Variants in KCNH7 observed in about 807,000 individuals in gnomAD.
KCNH7 encodes the protein voltage-gated inwardly rectifying potassium channel KCNH7.
A neutral mutation model predicts 120.8 loss-of-function variants in KCNH7; 49 were observed. The ratio of observed to expected loss-of-function variants is 0.41; its 90% CI spans 0.32 to 0.51. The LOEUF (loss-of-function observed/expected upper bound fraction) is 0.51. Among genes scored for constraint, KCNH7 ranks in the 20% least tolerant of loss-of-function variants. The pLI, the probability that KCNH7 is intolerant of heterozygous loss-of-function variation, is 0.38. For missense variants in KCNH7, 1,097 were observed against 1,446.6 expected, an observed-to-expected ratio of 0.76 and a Z score of 3.92; for synonymous variants, 547 against 516.1, an observed-to-expected ratio of 1.06 and a Z score of -0.81.
At chr2:162,795,129 C>T (rs1684093810) in intron 2 of KCNH7, among the ~76,000 whole-genome samples, 1 of 151,984 alleles carries the variant, frequency 6.6e-6, no homozygotes, top group Non-Finnish European at 1.5e-5. Flanking sequence ...CAAGCAGACT[C>T]ATTAATTAAT....
chr2:162,811,297 GA>G (rs1489608845), intron 2 of KCNH7, among the ~76,000 whole-genome samples: 1 of 152,152 alleles, frequency 6.6e-6, no homozygotes, highest in Non-Finnish European at 1.5e-5. Flanking sequence ...GATGACTGGA[GA>G]AAGGATTGTA....
At chr2:162,786,191 C>A (rs981333291) in intron 2 of KCNH7, among the ~76,000 whole-genome samples, 1 of 147,530 alleles carries the variant, frequency 6.8e-6, no homozygotes, top group South Asian at 2.1e-4. Context: ...TGCAGTGAGC[C>A]GAGATCACAC....
At chr2:162,765,127 C>T (rs1464535131) in intron 2 of KCNH7, among the ~76,000 whole-genome samples, 1 of 152,046 alleles carries the variant, frequency 6.6e-6, no homozygotes, top group Non-Finnish European at 1.5e-5. Flanking sequence ...CTGCTACTAA[C>T]ACCAACATTC....
rs145497405 is a variant in KCNH7 at position 162,773,283 on chromosome 2, T to C, written c.307+63254A>G. On this transcript the variant is annotated intron_variant, in intron 2 of 15. Coordinates refer to ENST00000332142, the MANE Select transcript of KCNH7 (RefSeq NM_033272.4). ...CAGGCTGATAACTTGAGGCCAAGAG[T>C]TCGAGACCAGCCTGGCCAATATGGT... Among the ~76,000 whole-genome samples the C allele has an allele frequency of 3.8e-3, 577 of 151,936 alleles. 6 individuals are homozygous for C. The highest frequency in any genetic ancestry group is 0.028 in the East Asian group (144 of 5,154).
intron 2 of KCNH7, among the ~76,000 whole-genome samples, chr2:162,643,804 C>CAAAA (rs781089376): frequency 4.3e-4 from 39 of 90,370 alleles, no homozygotes; most frequent in African/African-American, 8.5e-4. Context: ...GACTCTATCT[C>CAAAA]AAAAAAAAAA....
At chr2:162,451,191 A>G (rs980144029) in intron 6 of KCNH7, among the ~76,000 whole-genome samples, 3 of 152,032 alleles carry the variant, frequency 2.0e-5, no homozygotes, top group African/African-American at 7.2e-5. Context: ...AAAACCACCT[A>G]TCTATCCAGA....
chr2:162,622,437 A>T (rs1197435728), intron 2 of KCNH7, among the ~76,000 whole-genome samples: 1 of 152,208 alleles, frequency 6.6e-6, no homozygotes, highest in African/African-American at 2.4e-5. Context: ...AGCAAGTATC[A>T]CTAAATAGGT....
chr2:162,471,247 TAAA>T (rs79162616), intron 6 of KCNH7, among the ~76,000 whole-genome samples: 1 of 132,112 alleles, frequency 7.6e-6, no homozygotes, highest in Non-Finnish European at 1.7e-5. Flanking sequence ...ATCAATAAAT[TAAA>T]AAAAAAAAAA....
At chr2:162,389,430 G>A (rs969504542) in intron 12 of KCNH7, among the ~76,000 whole-genome samples, 24 of 151,942 alleles carry the variant, frequency 1.6e-4, no homozygotes, top group African/African-American at 5.3e-4. Context: ...GCTACTTGCC[G>A]ACTTTATTCT....
At chr2:162,454,076 T>C (rs1688873379) in intron 6 of KCNH7, among the ~76,000 whole-genome samples, 1 of 152,210 alleles carries the variant, frequency 6.6e-6, no homozygotes, top group African/African-American at 2.4e-5. Context: ...TCTAGAGTTT[T>C]TACAGTGTTG....
intron 2 of KCNH7, among the ~76,000 whole-genome samples, chr2:162,792,036 G>A (rs1348059532): frequency 6.6e-6 from 1 of 151,960 alleles, no homozygotes; most frequent in Non-Finnish European, 1.5e-5. Context: ...CATCTATTGA[G>A]ATAATCATGT....
intron 2 of KCNH7, among the ~76,000 whole-genome samples, chr2:162,718,972 GA>G (rs1467740859): frequency 6.6e-6 from 1 of 151,870 alleles, no homozygotes; most frequent in East Asian, 1.9e-4. Context: ...AAAGAATTTG[GA>G]AACAAAATCT....
At chr2:162,672,696 T>C (rs1685400467) in intron 2 of KCNH7, among the ~76,000 whole-genome samples, 1 of 152,046 alleles carries the variant, frequency 6.6e-6, no homozygotes, top group South Asian at 2.1e-4. Context: ...TTCTAAGTTT[T>C]TTATTTTTAT....
At chr2:162,623,402 T>C (rs1036978686) in intron 2 of KCNH7, among the ~76,000 whole-genome samples, 1 of 152,200 alleles carries the variant, frequency 6.6e-6, no homozygotes, top group Non-Finnish European at 1.5e-5. Flanking sequence ...ACAGTAATAA[T>C]TTATACTTTG....
chr2:162,649,212 T>C lies in KCNH7; in HGVS notation c.308-112132A>G, dbSNP rs566399614. 4.6e-5 allele frequency among the ~76,000 whole-genome samples: 7 copies of C among 152,342 alleles called. No individual in the cohort carries two copies. In the South Asian group the frequency reaches 6.2e-4, roughly 14 times the overall value. Reference sequence around the variant, plus strand: ...CAGAGAAAGAGCATGTTCTTTGTTATGCATGAATGGATTTTGAAATAACAT... The same window carrying C: ...CAGAGAAAGAGCATGTTCTTTGTTACGCATGAATGGATTTTGAAATAACAT... On this transcript the variant is annotated intron_variant, in intron 2 of 15. Transcript: ENST00000332142.
At chr2:162,818,063 A>C (rs1260050708) in intron 2 of KCNH7, among the ~76,000 whole-genome samples, 6 of 151,972 alleles carry the variant, frequency 3.9e-5, no homozygotes, top group African/African-American at 1.4e-4. Flanking sequence ...ACATATATAC[A>C]GTTTTTATTT....
chr2:162,744,816 G>A (rs543664415), intron 2 of KCNH7, among the ~76,000 whole-genome samples: 2 of 152,040 alleles, frequency 1.3e-5, no homozygotes, highest in Non-Finnish European at 2.9e-5. Context: ...CTCGTGATCC[G>A]CCCGCCTCGG....
chr2:162,727,205 T>C (rs912268239), intron 2 of KCNH7, among the ~76,000 whole-genome samples: 2 of 152,210 alleles, frequency 1.3e-5, no homozygotes, highest in African/African-American at 2.4e-5. Context: ...TATGTATACA[T>C]ACAAAATTCT....
chr2:162,581,463 T>C (rs1400675561), intron 2 of KCNH7, among the ~76,000 whole-genome samples: 1 of 152,076 alleles, frequency 6.6e-6, no homozygotes, highest in Non-Finnish European at 1.5e-5. Context: ...TTATATCCGT[T>C]ACCAAGGTAT....
Sources: gnomAD v4.1 joint callset for allele counts (sites outside exome capture counted in the v4.1 genomes callset) on GRCh38, gnomAD v4.1.1 for gene constraint, MANE v1.5 for transcripts, NCBI Gene and HGNC (gene_info 2026-07-23, HGNC 2026-07-21) for gene names.